Variants in GRM7 observed in about 807,000 individuals in gnomAD.
GRM7 encodes the protein metabotropic glutamate receptor 7.
A neutral mutation model predicts 84.5 loss-of-function variants in GRM7; 35 were observed. The observed-to-expected ratio is 0.41, with a 90% CI of 0.32 to 0.55. GRM7 has a LOEUF of 0.55. Among genes scored for constraint, GRM7 ranks in the 20% least tolerant of loss-of-function variants. The pLI is 0.19. For synonymous variants in GRM7, 487 were observed against 455.1 expected, an observed-to-expected ratio of 1.07 and a Z score of -0.89; for missense variants, 1,003 against 1,194.6, an observed-to-expected ratio of 0.84 and a Z score of 2.36.
intron 8 of GRM7, among the ~76,000 whole-genome samples, chr3:7,599,904 T>C (rs976185167): frequency 3.9e-5 from 6 of 152,106 alleles, no homozygotes; most frequent in Non-Finnish European, 8.8e-5. Context: ...ATTGAGGCCC[T>C]TTGAAAGATG....
intron 7 of GRM7, among the ~76,000 whole-genome samples, chr3:7,527,202 C>T (rs888242885): frequency 4.0e-5 from 6 of 151,868 alleles, no homozygotes; most frequent in African/African-American, 7.2e-5. Flanking sequence ...TGATTTATTT[C>T]AGCAATTTTT....
intron 2 of GRM7, among the ~76,000 whole-genome samples, chr3:7,168,350 G>C (rs970930841): frequency 6.6e-6 from 1 of 152,136 alleles, no homozygotes; most frequent in Non-Finnish European, 1.5e-5. Context: ...GCCCCAGTGT[G>C]GTGGTATTTG....
intron 5 of GRM7, among the ~76,000 whole-genome samples, chr3:7,449,231 T>C (rs1697660783): frequency 6.6e-6 from 1 of 152,048 alleles, no homozygotes; most frequent in Non-Finnish European, 1.5e-5. Context: ...AACACCATAC[T>C]TATAATAGCA....
chr3:7,140,598 A>G (rs1356184144), intron 1 of GRM7, among the ~76,000 whole-genome samples: 1 of 152,202 alleles, frequency 6.6e-6, no homozygotes, highest in African/African-American at 2.4e-5. Flanking sequence ...GGATTAAAAT[A>G]AAATAATGTA....
chr3:6,971,707 T>C (rs972654010), intron 1 of GRM7, among the ~76,000 whole-genome samples: 1 of 152,216 alleles, frequency 6.6e-6, no homozygotes, highest in African/African-American at 2.4e-5. Flanking sequence ...TTTCCTTTTT[T>C]TCTTCCTGTA....
intron 7 of GRM7, among the ~76,000 whole-genome samples, chr3:7,546,698 GT>G (rs553425076): frequency 6.0e-4 from 89 of 148,108 alleles, no homozygotes; most frequent in Middle Eastern, 3.6e-3. Context: ...AAAGCCTAGA[GT>G]TTTTTTTTTT....
intron 4 of GRM7, among the ~76,000 whole-genome samples, chr3:7,407,464 T>C (rs994314693): frequency 1.3e-5 from 2 of 152,144 alleles, no homozygotes; most frequent in Non-Finnish European, 2.9e-5. Context: ...TACTTTACAG[T>C]GCCTCGAACT....
chr3:7,438,373 G>A (rs1697145390), intron 5 of GRM7, among the ~76,000 whole-genome samples: 1 of 151,910 alleles, frequency 6.6e-6, no homozygotes, highest in African/African-American at 2.4e-5. Flanking sequence ...GGAAATGAGA[G>A]CAATCATGAC....
At chr3:7,686,557 A>T (rs967007517) in intron 9 of GRM7, 23 of 604,814 alleles carry the variant, frequency 3.8e-5, no homozygotes, top group Non-Finnish European at 6.4e-5. Flanking sequence ...TATCTATAGG[A>T]AGAAATGAAT....
At chr3:7,477,108 C>T (rs979675972) in intron 7 of GRM7, among the ~76,000 whole-genome samples, 1 of 152,168 alleles carries the variant, frequency 6.6e-6, no homozygotes, top group Non-Finnish European at 1.5e-5. Context: ...GTGGTAAAAA[C>T]TTGAATCTCT....
At chr3:7,589,933 G>T (rs187490240) in intron 8 of GRM7, among the ~76,000 whole-genome samples, 12 of 151,458 alleles carry the variant, frequency 7.9e-5, no homozygotes, top group East Asian at 7.8e-4. Context: ...TGATTTTTTT[G>T]ATCCAAGGCC....
intron 9 of GRM7, among the ~76,000 whole-genome samples, chr3:7,730,660 T>C (rs887844969): frequency 6.6e-6 from 1 of 152,216 alleles, no homozygotes; most frequent in Non-Finnish European, 1.5e-5. Flanking sequence ...CAGGAGCTTT[T>C]CATCCAGGAA....
chr3:7,213,025 G>T (rs1372183460), intron 2 of GRM7, among the ~76,000 whole-genome samples: 3 of 152,138 alleles, frequency 2.0e-5, no homozygotes, highest in Non-Finnish European at 4.4e-5. Context: ...ACTATTTGGA[G>T]GCCCTTTCAG....
intron 3 of GRM7, 84 bp downstream of exon 3, chr3:7,298,909 A>G: frequency 8.5e-7 from 1 of 1,178,648 alleles, no homozygotes; most frequent in Non-Finnish European, 1.2e-6. Context: ...GAGACAGGAA[A>G]AGATAGCATA....
chr3:7,712,247 C>G (rs1431161425), intron 9 of GRM7, among the ~76,000 whole-genome samples: 1 of 152,134 alleles, frequency 6.6e-6, no homozygotes, highest in Non-Finnish European at 1.5e-5. Context: ...GTAAACCACA[C>G]CTTTCTCATA....
rs61381040 is a variant in GRM7 at position 7,386,448 on chromosome 3, C to T, written c.1034-28575C>T. On this transcript the variant is annotated intron_variant, in intron 4 of 9. Coordinates refer to ENST00000357716, the MANE Select transcript of GRM7 (RefSeq NM_000844.4). ...TCCATCCTCCCCGCTTTTGGAATCT[C>T]CAGTGTCTATTGTTCTCATCTTTCT... Among the ~76,000 whole-genome samples the T allele has an allele frequency of 4.3e-3, 659 of 152,170 alleles. 3 individuals are homozygous for T. Among genetic ancestry groups the T allele is most frequent in the African/African-American group, 0.015 (607 of 41,516 alleles).
chr3:7,423,526 T>A (rs1190993045), intron 5 of GRM7, among the ~76,000 whole-genome samples: 1 of 152,070 alleles, frequency 6.6e-6, no homozygotes, highest in Non-Finnish European at 1.5e-5. Context: ...ATGCTTAGAG[T>A]CATTTTAGTA....
At chr3:7,057,129 T>A (rs1370857986) in intron 1 of GRM7, among the ~76,000 whole-genome samples, 7 of 151,968 alleles carry the variant, frequency 4.6e-5, no homozygotes, top group Non-Finnish European at 1.0e-4. Context: ...AAAGTAAGTG[T>A]TGCCTGTGAT....
intron 1 of GRM7, among the ~76,000 whole-genome samples, chr3:6,940,121 C>A (rs1697834442): frequency 6.6e-6 from 1 of 152,074 alleles, no homozygotes; most frequent in Admixed American, 6.6e-5. Flanking sequence ...GAGATGGAGT[C>A]TCCCTCTGCC....
Sources: allele counts gnomAD v4.1 joint callset (sites outside exome capture counted in the v4.1 genomes callset), GRCh38; gene constraint gnomAD v4.1.1; transcripts MANE v1.5; gene names NCBI Gene and HGNC (gene_info 2026-07-23, HGNC 2026-07-21).